The following ITCH variants were observed in gnomAD, a reference collection of about 807,000 sequenced individuals.
ITCH encodes E3 ubiquitin-protein ligase Itchy homolog.
A neutral mutation model predicts 126.8 loss-of-function variants in ITCH; 28 were observed. That is an observed-to-expected ratio of 0.22 (90% confidence interval 0.16 to 0.30). The LOEUF (loss-of-function observed/expected upper bound fraction) is 0.30. ITCH is among the 10% of genes least tolerant of loss of function. The pLI, the probability that ITCH is intolerant of heterozygous loss-of-function variation, is 1.00. For synonymous variants in ITCH, 342 were observed against 340.0 expected (o/e 1.01, Z -0.06); for missense variants, 631 against 1,032.4 (o/e 0.61, Z 5.33).
intron 7 of ITCH, among the ~76,000 whole-genome samples, chr20:34,433,718 T>C (rs746734441): frequency 2.6e-5 from 4 of 151,450 alleles, no homozygotes; most frequent in Non-Finnish European, 5.9e-5. Context: ...GTAGTATGTC[T>C]ATATATAATT....
chr20:34,406,284 C>T (rs950856437), intron 3 of ITCH, among the ~76,000 whole-genome samples: 9 of 151,932 alleles, frequency 5.9e-5, no homozygotes, highest in Non-Finnish European at 1.2e-4. Context: ...CCTGCCTCAG[C>T]CTCCCAAAGT....
At chr20:34,413,359 T>C (rs1979322381) in intron 5 of ITCH, among the ~76,000 whole-genome samples, 1 of 152,222 alleles carries the variant, frequency 6.6e-6, no homozygotes, top group South Asian at 2.1e-4. Context: ...AATTTTCTCA[T>C]TTAGGACTTA....
chr20:34,402,159 CAT>C, intron 3 of ITCH: 1 of 1,189,228 alleles, frequency 8.4e-7, no homozygotes, highest in Non-Finnish European at 1.3e-6. Flanking sequence ...TAGCAGCACA[CAT>C]ATGCAGCTCT....
intron 3 of ITCH, among the ~76,000 whole-genome samples, chr20:34,398,631 TCA>T (rs2038760418): frequency 6.6e-6 from 1 of 152,150 alleles, no homozygotes; most frequent in African/African-American, 2.4e-5. Context: ...ACTCCTGACC[TCA>T]GGTGATCCAC....
chr20:34,414,999 A>G (rs1478500789), intron 6 of ITCH, among the ~76,000 whole-genome samples: 1 of 152,226 alleles, frequency 6.6e-6, no homozygotes, highest in Non-Finnish European at 1.5e-5. Flanking sequence ...CAGCTAGCAT[A>G]TTTAATAGAA....
intron 2 of ITCH, among the ~76,000 whole-genome samples, chr20:34,370,729 T>C (rs1177130704): frequency 1.3e-5 from 2 of 150,870 alleles, no homozygotes. Flanking sequence ...AGAGTAGTAT[T>C]GTGAAGGAAA....
intron 2 of ITCH, among the ~76,000 whole-genome samples, chr20:34,389,905 G>A (rs1382106409): frequency 1.3e-5 from 2 of 152,168 alleles, no homozygotes; most frequent in Non-Finnish European, 1.5e-5. Context: ...TGGATCATTT[G>A]AGGTCAGGAG....
intron 3 of ITCH, among the ~76,000 whole-genome samples, chr20:34,405,881 C>A (rs186688173): frequency 1.3e-5 from 2 of 152,020 alleles, no homozygotes; most frequent in Admixed American, 1.3e-4. Context: ...GCCTGGGTCT[C>A]CCAAAGTGCT....
chr20:34,390,895 G>A (rs2038467003), intron 2 of ITCH, among the ~76,000 whole-genome samples: 2 of 151,804 alleles, frequency 1.3e-5, no homozygotes, highest in South Asian at 2.1e-4. Context: ...GGAATTACAA[G>A]CATCCACCAC....
rs933854191 is a variant in ITCH, at chr20:34,511,409, A to G, written c.*3615A>G. Reference sequence around the variant, plus strand: ...TGGTCCTTCATTTGCATGCTTTTCTATCAGTCTTGGGTAAGGAGGGGTCTC... The same window carrying G: ...TGGTCCTTCATTTGCATGCTTTTCTGTCAGTCTTGGGTAAGGAGGGGTCTC... On this transcript the variant is annotated 3_prime_UTR_variant, in exon 25 of 25. Transcript: ENST00000374864. 1.3e-5 allele frequency: 2 copies of G among 152,102 alleles called. No individual in the cohort carries two copies. The highest frequency in any genetic ancestry group is 2.9e-5 in the Non-Finnish European group (2 of 68,016). 9.4% of individuals were successfully genotyped at this position (152,102 alleles called of 1,614,324 possible).
At chr20:34,447,437 A>G (rs914300016) in intron 11 of ITCH, among the ~76,000 whole-genome samples, 2 of 152,178 alleles carry the variant, frequency 1.3e-5, no homozygotes, top group African/African-American at 2.4e-5. Context: ...TGAGTATATG[A>G]AGTGGCCTTT....
At chr20:34,449,994 T>C (rs955512074) in intron 12 of ITCH, among the ~76,000 whole-genome samples, 1 of 152,172 alleles carries the variant, frequency 6.6e-6, no homozygotes, top group Non-Finnish European at 1.5e-5. Context: ...GATTCCATCA[T>C]CTTGATTCCA....
intron 13 of ITCH, among the ~76,000 whole-genome samples, chr20:34,461,179 G>A (rs1291462667): frequency 6.6e-6 from 1 of 152,216 alleles, no homozygotes; most frequent in African/African-American, 2.4e-5. Flanking sequence ...ATGAAAGGGA[G>A]TTAGAGGTTT....
intron 7 of ITCH, among the ~76,000 whole-genome samples, chr20:34,430,448 T>TTTTAAAATTTAAA: frequency 6.6e-6 from 1 of 152,214 alleles, no homozygotes; most frequent in Non-Finnish European, 1.5e-5. Flanking sequence ...AGGAAAGGAA[T>TTTTAAAATTTAAA]GTCTTTTAAA....
intron 15 of ITCH, among the ~76,000 whole-genome samples, chr20:34,470,492 A>C (rs955838036): frequency 6.6e-6 from 1 of 151,882 alleles, no homozygotes; most frequent in African/African-American, 2.4e-5. Flanking sequence ...ATAAGCAAAC[A>C]TTGTCACTTT....
intron 2 of ITCH, among the ~76,000 whole-genome samples, chr20:34,381,075 A>C (rs761691745): frequency 1.3e-5 from 2 of 151,960 alleles, no homozygotes; most frequent in Non-Finnish European, 2.9e-5. Context: ...GGTGTGAGCC[A>C]CTGCGCCTGT....
chr20:34,395,325 T>G (rs2038637399), intron 3 of ITCH, among the ~76,000 whole-genome samples: 1 of 152,130 alleles, frequency 6.6e-6, no homozygotes, highest in Non-Finnish European at 1.5e-5. Flanking sequence ...TAATTGTAAT[T>G]GTTTTCTTCT....
In ITCH at chr20:34,478,293, T is replaced by C. The variant is rs570848817; in HGVS notation, c.1658+433T>C. ...GGTCATTTTCCCCACCACAGATTAC[T>C]GATACAGGTAATAGTTACTCAGTTT... On this transcript the variant is annotated intron_variant, in intron 17 of 24. Coordinates refer to ENST00000374864, the MANE Select transcript of ITCH (RefSeq NM_031483.7). Among the ~76,000 whole-genome samples, 13 of 152,376 alleles carry C rather than the reference T, an allele frequency of 8.5e-5. No homozygotes were observed. The South Asian group carries it at 2.5e-3, about 29-fold the overall frequency.
At chr20:34,370,459 T>C (rs985377809) in intron 2 of ITCH, among the ~76,000 whole-genome samples, 3 of 151,066 alleles carry the variant, frequency 2.0e-5, no homozygotes, top group Non-Finnish European at 4.4e-5. Flanking sequence ...AGGTCAGGAG[T>C]TTGAAACCAG....
Sources: gnomAD v4.1 joint callset for allele counts (sites outside exome capture counted in the v4.1 genomes callset) on GRCh38, gnomAD v4.1.1 for gene constraint, MANE v1.5 for transcripts, NCBI Gene and HGNC (gene_info 2026-07-23, HGNC 2026-07-21) for gene names.